Variants in NRXN1 observed in about 807,000 individuals in gnomAD.
The protein encoded by NRXN1 is neurexin-1.
A neutral mutation model predicts 150.9 loss-of-function variants in NRXN1; 39 were observed. The observed-to-expected ratio is 0.26, with a 90% CI of 0.20 to 0.34. The LOEUF (loss-of-function observed/expected upper bound fraction) is 0.34, where lower values mean the gene tolerates loss of function less well. Among genes scored for constraint, NRXN1 ranks in the 10% least tolerant of loss-of-function variants. NRXN1 has a pLI of 1.00. For missense variants in NRXN1, 1,815 were observed against 1,949.9 expected (o/e 0.93, Z 1.30); for synonymous variants, 924 against 757.0 (o/e 1.22, Z -3.62).
intron 2 of NRXN1, among the ~76,000 whole-genome samples, chr2:50,957,492 C>T (rs1692460054): frequency 6.6e-6 from 1 of 152,024 alleles, no homozygotes; most frequent in Non-Finnish European, 1.5e-5. Context: ...CACACAATAG[C>T]CCTACAACAA....
At chr2:50,641,888 T>C (rs545268248) in intron 5 of NRXN1, among the ~76,000 whole-genome samples, 1 of 152,204 alleles carries the variant, frequency 6.6e-6, no homozygotes, top group East Asian at 1.9e-4. Context: ...ACTGAGTTCT[T>C]GCATCTGCCT....
chr2:50,736,206 C>T (rs1050910934), intron 5 of NRXN1, among the ~76,000 whole-genome samples: 2 of 152,288 alleles, frequency 1.3e-5, no homozygotes, highest in Non-Finnish European at 1.5e-5. Flanking sequence ...TGTGTTTCCT[C>T]TACATAACAT....
chr2:50,280,807 G>A (rs531279706), intron 17 of NRXN1, among the ~76,000 whole-genome samples: 171 of 152,240 alleles, frequency 1.1e-3, no homozygotes, highest in Middle Eastern at 3.4e-3. Flanking sequence ...TTTCCTGAGG[G>A]AAGAATATGA....
intron 5 of NRXN1, among the ~76,000 whole-genome samples, chr2:50,855,615 T>C (rs1048477453): frequency 3.9e-5 from 6 of 152,054 alleles, no homozygotes; most frequent in African/African-American, 1.4e-4. Context: ...GGAAGGTGTA[T>C]GGCCCAATAG....
intron 18 of NRXN1, among the ~76,000 whole-genome samples, chr2:50,106,441 G>A (rs1040110619): frequency 6.6e-6 from 1 of 152,046 alleles, no homozygotes; most frequent in African/African-American, 2.4e-5. Context: ...AAAGAGAGAA[G>A]AATATTTAAT....
At chr2:50,644,522 C>T (rs893230788) in intron 5 of NRXN1, among the ~76,000 whole-genome samples, 1 of 151,584 alleles carries the variant, frequency 6.6e-6, no homozygotes, top group Non-Finnish European at 1.5e-5. Context: ...TATGACCCTA[C>T]AGTCCGAAAC....
chr2:50,089,786 C>CA (rs5831081), intron 19 of NRXN1, among the ~76,000 whole-genome samples: 3,109 of 127,164 alleles, frequency 0.024, 83 homozygotes, highest in African/African-American at 0.078. Context: ...GACCTTGCTT[C>CA]AAAAAAAAAA....
intron 5 of NRXN1, among the ~76,000 whole-genome samples, chr2:50,681,060 T>G (rs1690309327): frequency 6.6e-6 from 1 of 152,194 alleles, no homozygotes; most frequent in Admixed American, 6.5e-5. Context: ...CTCAAGGAAC[T>G]TATTCATCTA....
intron 19 of NRXN1, among the ~76,000 whole-genome samples, chr2:50,088,849 C>T (rs1651052641): frequency 6.6e-6 from 1 of 152,024 alleles, no homozygotes; most frequent in African/African-American, 2.4e-5. Context: ...GGAACCATAT[C>T]TTTTTTGAAC....
chr2:50,535,822 A>G (rs1375032766), intron 10 of NRXN1, among the ~76,000 whole-genome samples: 2 of 152,056 alleles, frequency 1.3e-5, no homozygotes, highest in African/African-American at 4.8e-5. Flanking sequence ...TTGCAACATA[A>G]TTTTTCCATG....
intron 2 of NRXN1, among the ~76,000 whole-genome samples, chr2:50,942,117 T>C (rs996599949): frequency 6.6e-6 from 1 of 152,188 alleles, no homozygotes; most frequent in Non-Finnish European, 1.5e-5. Context: ...CTTCAAAGGA[T>C]GCAAGCCCCA....
intron 19 of NRXN1, among the ~76,000 whole-genome samples, chr2:50,089,111 A>G (rs1444657136): frequency 6.6e-6 from 1 of 152,216 alleles, no homozygotes; most frequent in African/African-American, 2.4e-5. Flanking sequence ...AATTTCCCAA[A>G]CTAATGGGAC....
chr2:50,213,904 C>T (rs978604423), intron 18 of NRXN1, among the ~76,000 whole-genome samples: 2 of 151,982 alleles, frequency 1.3e-5, no homozygotes, highest in African/African-American at 2.4e-5. Flanking sequence ...GAATTCACCA[C>T]ATCCATCTTT....
intron 17 of NRXN1, among the ~76,000 whole-genome samples, chr2:50,321,437 A>G (rs1261713268): frequency 6.6e-6 from 1 of 152,176 alleles, no homozygotes; most frequent in African/African-American, 2.4e-5. Flanking sequence ...TAAGATATAG[A>G]AAGATTCACC....
chr2:50,037,482 T>C (rs888707995), intron 21 of NRXN1, among the ~76,000 whole-genome samples: 6 of 152,270 alleles, frequency 3.9e-5, no homozygotes, highest in Admixed American at 3.3e-4. Flanking sequence ...TTATACCTGG[T>C]TTTTCATTCT....
At chr2:51,008,587 T>A (rs1288144916) in intron 2 of NRXN1, among the ~76,000 whole-genome samples, 1 of 151,920 alleles carries the variant, frequency 6.6e-6, no homozygotes, top group Non-Finnish European at 1.5e-5. Context: ...CCCATTACTA[T>A]CTATACAGGG....
At chr2:50,201,052 A>T (rs2062125558) in intron 18 of NRXN1, among the ~76,000 whole-genome samples, 1 of 152,090 alleles carries the variant, frequency 6.6e-6, no homozygotes, top group Non-Finnish European at 1.5e-5. Flanking sequence ...TGAGGCCAGT[A>T]TTTTAATATC....
At chr2:50,432,618 T>G (rs114117562) in intron 17 of NRXN1, among the ~76,000 whole-genome samples, 1 of 152,312 alleles carries the variant, frequency 6.6e-6, no homozygotes, top group African/African-American at 2.4e-5. Context: ...GTCCCTTCAT[T>G]TACATCTGAT....
At chr2:50,315,989 G>T (rs2075574141) in intron 17 of NRXN1, among the ~76,000 whole-genome samples, 1 of 151,992 alleles carries the variant, frequency 6.6e-6, no homozygotes, top group African/African-American at 2.4e-5. Context: ...CATTGAACTG[G>T]GAAAGCAGTA....
Sources: allele counts gnomAD v4.1 joint callset (sites outside exome capture counted in the v4.1 genomes callset), GRCh38; gene constraint gnomAD v4.1.1; transcripts MANE v1.5; gene names NCBI Gene and HGNC (gene_info 2026-07-23, HGNC 2026-07-21).